Variants in RNF128 observed in about 807,000 individuals in gnomAD.
The protein encoded by RNF128 is E3 ubiquitin-protein ligase RNF128.
A neutral mutation model predicts 26.2 loss-of-function variants in RNF128; 13 were observed. That is an observed-to-expected ratio of 0.50 (90% confidence interval 0.32 to 0.79). The LOEUF is 0.79. Ranked by LOEUF, RNF128 falls within the 30% of genes least tolerant of loss-of-function variation. The probability of loss-of-function intolerance (pLI) is 0.03; values close to 1 mark genes in which losing one functional copy is unlikely to be tolerated. For synonymous variants in RNF128, 149 were observed against 142.5 expected, an observed-to-expected ratio of 1.05 and a Z score of -0.32; for missense variants, 315 against 349.7, an observed-to-expected ratio of 0.90 and a Z score of 0.79.
chrX:106,696,312 C>T (rs887383153), intron 1 of RNF128, among the ~76,000 whole-genome samples: 18 of 110,691 alleles, frequency 1.6e-4, no homozygotes, highest in African/African-American at 5.6e-4. Context: ...GGAATTTTGC[C>T]CTTTTAAGAC....
chrX:106,789,728 T>TC (rs1164523202), intron 4 of RNF128, among the ~76,000 whole-genome samples: 12 of 108,691 alleles, frequency 1.1e-4, no homozygotes, highest in Non-Finnish European at 2.1e-4. Flanking sequence ...TGAAGGTTGT[T>TC]CTTAACACTA....
At chrX:106,774,642 T>C (rs996932818) in intron 2 of RNF128, among the ~76,000 whole-genome samples, 2 of 112,280 alleles carry the variant, frequency 1.8e-5, no homozygotes, top group African/African-American at 6.5e-5. Context: ...CAGAATTTGA[T>C]TATTTCTTAT....
In RNF128 at chrX:106,795,562, TG is replaced by T; in HGVS notation, c.1154-17del. The stretch of plus-strand genomic sequence containing the variant: ...GAGAGGGGCAAAATCATCCTAAAAT[TG>T]CTATTTCTTTTTAAAGATGAAAGTC... On this transcript the variant is annotated splice_polypyrimidine_tract_variant and intron_variant, in intron 6 of 6. Transcript: ENST00000255499. The T allele has an allele frequency of 1.7e-6, 2 of 1,172,895 alleles. No individual in the cohort carries two copies. Among genetic ancestry groups the T allele is most frequent in the Non-Finnish European group, 2.3e-6 (2 of 878,158 alleles).
chrX:106,715,169 C>T (rs1005456667), intron 1 of RNF128, among the ~76,000 whole-genome samples: 3 of 112,006 alleles, frequency 2.7e-5, no homozygotes, highest in African/African-American at 9.7e-5. Context: ...AAAAAATGTA[C>T]GTATGATCCA....
At chrX:106,728,240 GA>G (rs756653008) in intron 1 of RNF128, among the ~76,000 whole-genome samples, 5 of 111,159 alleles carry the variant, frequency 4.5e-5, no homozygotes, top group South Asian at 3.8e-4. Context: ...GGACAAAGGG[GA>G]AAAAAATGGA....
At chrX:106,777,842 T>A (rs1277671280) in intron 2 of RNF128, among the ~76,000 whole-genome samples, 2 of 110,999 alleles carry the variant, frequency 1.8e-5, no homozygotes, top group African/African-American at 6.6e-5. Context: ...TGGTGGCATG[T>A]GCCTGTAGTC....
intron 1 of RNF128, among the ~76,000 whole-genome samples, chrX:106,765,596 A>G (rs1930205563): frequency 8.9e-6 from 1 of 112,085 alleles, no homozygotes; most frequent in Non-Finnish European, 1.9e-5. Context: ...GGATATTTGG[A>G]TAATACACTC....
At chrX:106,786,106 A>G (rs768546297) in intron 3 of RNF128, among the ~76,000 whole-genome samples, 1 of 111,980 alleles carries the variant, frequency 8.9e-6, no homozygotes, top group Non-Finnish European at 1.9e-5. Flanking sequence ...CAAAAGAACT[A>G]GAATGAACAA....
intron 1 of RNF128, among the ~76,000 whole-genome samples, chrX:106,694,908 C>G (rs750304585): frequency 9.9e-5 from 11 of 111,107 alleles, no homozygotes; most frequent in Non-Finnish European, 1.7e-4. Flanking sequence ...AGATTTGAAT[C>G]TTTTTGCGGG....
chrX:106,785,017 T>C (rs1006842201), intron 2 of RNF128, 48 bp from the exon 3 acceptor site: 1 of 928,500 alleles, frequency 1.1e-6, no homozygotes, highest in East Asian at 3.1e-5. Flanking sequence ...TCATCATACT[T>C]CTTTTAAAAA....
Position 106,726,835 on chromosome X carries a change from C to T in RNF128, c.-79C>T, listed in dbSNP as rs1274982454. 3 of 1,093,454 alleles carry T rather than the reference C, an allele frequency of 2.7e-6. No individual in the cohort carries two copies. Among genetic ancestry groups the T allele is most frequent in the Non-Finnish European group, 2.4e-6 (2 of 844,766 alleles). 90.1% of individuals were successfully genotyped at this position (1,093,454 alleles called of 1,213,427 possible). A position where few individuals can be genotyped will look rare whatever the true frequency, so the allele number is the denominator to read the frequency against. The stretch of plus-strand genomic sequence containing the variant: ...CCATTCCTTCCCCACCTGGCGCGCA[C>T]CTGCTCAAGACCAGGGTCCTGCCAA... On this transcript the variant is annotated 5_prime_UTR_variant, in exon 1 of 7. Coordinates refer to ENST00000255499, the MANE Select transcript of RNF128 (RefSeq NM_194463.2).
At chrX:106,703,370 A>G (rs1017813895) in intron 1 of RNF128, among the ~76,000 whole-genome samples, 1 of 111,883 alleles carries the variant, frequency 8.9e-6, no homozygotes, top group Admixed American at 9.5e-5. Context: ...AATCATCCCA[A>G]CAACTGCTAT....
chrX:106,719,463 C>T (rs1164847512), intron 1 of RNF128, among the ~76,000 whole-genome samples: 1 of 111,549 alleles, frequency 9.0e-6, no homozygotes, highest in East Asian at 2.8e-4. Context: ...TCAGGTGATC[C>T]ACCTGCCTTA....
intron 1 of RNF128, among the ~76,000 whole-genome samples, chrX:106,714,122 G>C (rs1929174823): frequency 9.4e-6 from 1 of 106,377 alleles, no homozygotes; most frequent in Admixed American, 1.0e-4. Flanking sequence ...AGCTTGCAGT[G>C]AGCCGAGATG....
chrX:106,718,687 G>A (rs1680987143), intron 1 of RNF128, among the ~76,000 whole-genome samples: 2 of 111,134 alleles, frequency 1.8e-5, no homozygotes, highest in African/African-American at 6.6e-5. Context: ...CATGATTTGT[G>A]GTGAAGTCAA....
chrX:106,766,638 T>TA (rs1375218084), intron 1 of RNF128, among the ~76,000 whole-genome samples: 1 of 112,061 alleles, frequency 8.9e-6, no homozygotes, highest in Non-Finnish European at 1.9e-5. Flanking sequence ...GGGTAAATTG[T>TA]AAAACTTTTC....
chrX:106,703,951 T>C (rs1294729382), intron 1 of RNF128, among the ~76,000 whole-genome samples: 2 of 110,289 alleles, frequency 1.8e-5, no homozygotes, highest in African/African-American at 6.6e-5. Context: ...TAAACCACAC[T>C]GAGGACAGAA....
chrX:106,769,343 G>A (rs1389353857), intron 1 of RNF128, among the ~76,000 whole-genome samples: 2 of 110,591 alleles, frequency 1.8e-5, no homozygotes, highest in Non-Finnish European at 1.9e-5. Flanking sequence ...TATTGTGTGC[G>A]TGTCTAAGTC....
chrX:106,746,728 C>T (rs1348997948), intron 1 of RNF128, among the ~76,000 whole-genome samples: 1 of 111,454 alleles, frequency 9.0e-6, no homozygotes, highest in African/African-American at 3.2e-5. Context: ...ATGCCAAAAC[C>T]TTTTTTCACT....
Sources: allele counts gnomAD v4.1 joint callset (sites outside exome capture counted in the v4.1 genomes callset), GRCh38; gene constraint gnomAD v4.1.1; transcripts MANE v1.5; gene names NCBI Gene and HGNC (gene_info 2026-07-23, HGNC 2026-07-21).